The following MTHFD1L variants were observed in gnomAD, a reference collection of about 807,000 sequenced individuals.
MTHFD1L encodes the protein monofunctional C1-tetrahydrofolate synthase, mitochondrial.
A neutral mutation model predicts 119.5 loss-of-function variants in MTHFD1L; 81 were observed. The observed-to-expected ratio is 0.68, with a 90% CI of 0.57 to 0.82. MTHFD1L has a LOEUF of 0.82. Ranked by LOEUF, MTHFD1L falls within the 40% of genes least tolerant of loss-of-function variation. The pLI, the probability that MTHFD1L is intolerant of heterozygous loss-of-function variation, is 0.00. For missense variants in MTHFD1L, 1,125 were observed against 1,253.4 expected, an observed-to-expected ratio of 0.90 and a Z score of 1.55; for synonymous variants, 430 against 475.2, an observed-to-expected ratio of 0.90 and a Z score of 1.24.
At chr6:150,900,447 C>G (rs988683413) in intron 7 of MTHFD1L, among the ~76,000 whole-genome samples, 1 of 152,088 alleles carries the variant, frequency 6.6e-6, no homozygotes, top group Admixed American at 6.5e-5. Flanking sequence ...CCCATTCTGC[C>G]AGTTTCCCCT....
chr6:150,978,259 C>T (rs781353995), intron 20 of MTHFD1L, among the ~76,000 whole-genome samples: 8 of 151,976 alleles, frequency 5.3e-5, no homozygotes, highest in Non-Finnish European at 8.8e-5. Context: ...GGGACCATGA[C>T]ATAAGAGAGA....
In MTHFD1L at chr6:151,027,514, T is replaced by C. The variant is rs140262073; in HGVS notation, c.2587-6979T>C. 2.2e-3 allele frequency among the ~76,000 whole-genome samples: 333 copies of C among 152,304 alleles called. 2 individuals are homozygous for C. The highest frequency in any genetic ancestry group is 7.7e-3 in the African/African-American group (320 of 41,570). ...AGAACCAAGAGAAAGCCAGCAATGA[T>C]TAATGCATAAACAGTCATAAATTGG... On this transcript the variant is annotated intron_variant, in intron 24 of 27. Transcript: ENST00000367321.
At chr6:151,022,101 A>G in intron 24 of MTHFD1L, 1 of 470,638 alleles carries the variant, frequency 2.1e-6, no homozygotes. Flanking sequence ...CTGGAGCCGC[A>G]GCCAGCTCTG....
chr6:151,021,961 T>C, intron 24 of MTHFD1L: 1 of 468,804 alleles, frequency 2.1e-6, no homozygotes, highest in Non-Finnish European at 4.4e-6. Flanking sequence ...TTTTAAGGTG[T>C]AGCCTTGACA....
At chr6:150,943,830 T>TA (rs1485531166) in intron 13 of MTHFD1L, among the ~76,000 whole-genome samples, 1 of 152,198 alleles carries the variant, frequency 6.6e-6, no homozygotes, top group Admixed American at 6.6e-5. Flanking sequence ...GTCATGAGGG[T>TA]AAAATACTCT....
At chr6:151,081,099 T>G (rs974536046) in intron 26 of MTHFD1L, among the ~76,000 whole-genome samples, 1 of 152,290 alleles carries the variant, frequency 6.6e-6, no homozygotes, top group Non-Finnish European at 1.5e-5. Flanking sequence ...CTAGACCCAG[T>G]CTGAAGTCCT....
At chr6:150,886,481 A>T (rs1782325981) in intron 6 of MTHFD1L, among the ~76,000 whole-genome samples, 1 of 149,468 alleles carries the variant, frequency 6.7e-6, no homozygotes, top group South Asian at 2.1e-4. Context: ...AAGCCGGTAG[A>T]TGTAGTTTAG....
At chr6:150,968,548 C>T (rs1485236003) in intron 19 of MTHFD1L, among the ~76,000 whole-genome samples, 1 of 152,094 alleles carries the variant, frequency 6.6e-6, no homozygotes, top group Non-Finnish European at 1.5e-5. Context: ...CTCTCCCTGT[C>T]GCCCAGCCTG....
intron 13 of MTHFD1L, among the ~76,000 whole-genome samples, chr6:150,943,180 C>T (rs1297114564): frequency 6.6e-6 from 1 of 152,032 alleles, no homozygotes; most frequent in East Asian, 1.9e-4. Flanking sequence ...ACTTGGGAGG[C>T]AGGAGAATCC....
At chr6:151,007,306 C>T (rs1348064223) in intron 20 of MTHFD1L, among the ~76,000 whole-genome samples, 1 of 151,970 alleles carries the variant, frequency 6.6e-6, no homozygotes, top group Non-Finnish European at 1.5e-5. Context: ...TTCTCTCTCC[C>T]ACTTCCCTGC....
chr6:151,067,086 T>C (rs6903901), intron 26 of MTHFD1L, among the ~76,000 whole-genome samples: 86,942 of 149,960 alleles, frequency 0.58, 25,324 homozygotes, highest in East Asian at 0.77. Context: ...CTCTGCCTCC[T>C]GGGTTTAAGG....
chr6:151,070,102 G>A (rs987539635), intron 26 of MTHFD1L, among the ~76,000 whole-genome samples: 6 of 152,060 alleles, frequency 3.9e-5, no homozygotes, highest in African/African-American at 1.4e-4. Flanking sequence ...CCAAGAACTC[G>A]GGTGTTTTTC....
intron 20 of MTHFD1L, among the ~76,000 whole-genome samples, chr6:150,981,078 A>G (rs1777422428): frequency 6.6e-6 from 1 of 152,216 alleles, no homozygotes; most frequent in Non-Finnish European, 1.5e-5. Context: ...AAAAAAATAC[A>G]TATGAATTCG....
At chr6:150,991,759 G>T (rs563407410) in intron 20 of MTHFD1L, among the ~76,000 whole-genome samples, 18 of 152,294 alleles carry the variant, frequency 1.2e-4, no homozygotes, top group African/African-American at 4.3e-4. Flanking sequence ...TCATATTCTG[G>T]AGGGGAATAA....
At chr6:151,079,700 G>A (rs1010960074) in intron 26 of MTHFD1L, among the ~76,000 whole-genome samples, 2 of 151,344 alleles carry the variant, frequency 1.3e-5, no homozygotes, top group Non-Finnish European at 2.9e-5. Flanking sequence ...TGTTGGTCAC[G>A]CTGGTCTCAA....
chr6:150,887,134 A>G (rs77221349), intron 6 of MTHFD1L, among the ~76,000 whole-genome samples: 3,790 of 152,316 alleles, frequency 0.025, 62 homozygotes, highest in Middle Eastern at 0.041. Flanking sequence ...ATATATGGCA[A>G]AGTTTTATTA....
intron 12 of MTHFD1L, among the ~76,000 whole-genome samples, chr6:150,937,210 A>G (rs1217045011): frequency 6.6e-6 from 1 of 152,064 alleles, no homozygotes; most frequent in Non-Finnish European, 1.5e-5. Context: ...GCGGTCTCCC[A>G]TTTCATCAGG....
chr6:150,954,625 G>T (rs759673570), intron 16 of MTHFD1L, among the ~76,000 whole-genome samples: 7 of 151,868 alleles, frequency 4.6e-5, no homozygotes, highest in Non-Finnish European at 8.8e-5. Context: ...GGAGGCGAAG[G>T]TTGTAGTGAG....
chr6:151,095,553 G>A (rs539270907), intron 27 of MTHFD1L, among the ~76,000 whole-genome samples: 18 of 152,306 alleles, frequency 1.2e-4, no homozygotes, highest in Non-Finnish European at 2.4e-4. Flanking sequence ...TACATCCTTA[G>A]CATTATTAAT....
Sources: allele counts gnomAD v4.1 joint callset (sites outside exome capture counted in the v4.1 genomes callset), GRCh38; gene constraint gnomAD v4.1.1; transcripts MANE v1.5; gene names NCBI Gene and HGNC (gene_info 2026-07-23, HGNC 2026-07-21).